Variants in MPPED2 observed in about 807,000 individuals in gnomAD.
MPPED2 encodes the protein metallophosphoesterase domain containing 2, also known as metallophosphoesterase MPPED2.
MPPED2 carries 5 observed loss-of-function variants against 33.0 expected under a neutral mutation model. The ratio of observed to expected loss-of-function variants is 0.15; its 90% CI spans 0.08 to 0.32. The LOEUF (loss-of-function observed/expected upper bound fraction) is 0.32. MPPED2 is among the 10% of genes least tolerant of loss of function. MPPED2 has a pLI of 1.00. For synonymous variants in MPPED2, 136 were observed against 141.9 expected, an observed-to-expected ratio of 0.96 and a Z score of 0.29; for missense variants, 275 against 372.1, an observed-to-expected ratio of 0.74 and a Z score of 2.15.
intron 4 of MPPED2, among the ~76,000 whole-genome samples, chr11:30,493,245 C>T (rs1439463066): frequency 1.3e-5 from 2 of 151,836 alleles, no homozygotes; most frequent in Non-Finnish European, 2.9e-5. Context: ...GTGGCGGGCG[C>T]CTGTAGTCCC....
At chr11:30,470,091 A>T (rs1227902496) in intron 4 of MPPED2, among the ~76,000 whole-genome samples, 1 of 152,110 alleles carries the variant, frequency 6.6e-6, no homozygotes, top group Non-Finnish European at 1.5e-5. Flanking sequence ...ATCCACTTTG[A>T]TTTCAGCACT....
intron 2 of MPPED2, among the ~76,000 whole-genome samples, chr11:30,543,230 A>T (rs756119842): frequency 1.3e-5 from 2 of 152,256 alleles, no homozygotes; most frequent in African/African-American, 4.8e-5. Flanking sequence ...TCACATGCAC[A>T]TATGGATTTT....
intron 4 of MPPED2, among the ~76,000 whole-genome samples, chr11:30,482,275 C>G (rs1590478399): frequency 6.6e-6 from 1 of 152,068 alleles, no homozygotes; most frequent in East Asian, 1.9e-4. Flanking sequence ...ATGCAATGAT[C>G]CATCTGTACA....
At chr11:30,388,948 C>A (rs1565028318) in exon 7 of MPPED2, 1 of 1,562,614 alleles carries the variant, frequency 6.4e-7, no homozygotes, top group East Asian at 2.3e-5. Flanking sequence ...GAGATGCTCA[C>A]AGGGTTTACT....
chr11:30,580,592 G>A, intron 1 of MPPED2, 98 bp from the exon 2 acceptor site: 4 of 1,198,504 alleles, frequency 3.3e-6, no homozygotes, highest in South Asian at 2.0e-5. Context: ...CTAGTTCAGG[G>A]AAAATCTGAA....
chr11:30,396,410 G>A (rs1437349060), intron 6 of MPPED2, among the ~76,000 whole-genome samples: 1 of 152,104 alleles, frequency 6.6e-6, no homozygotes. Context: ...TATTTCTTAT[G>A]CTTAGACATA....
At chr11:30,475,170 C>G (rs1195155575) in intron 4 of MPPED2, among the ~76,000 whole-genome samples, 1 of 152,140 alleles carries the variant, frequency 6.6e-6, no homozygotes, top group Non-Finnish European at 1.5e-5. Flanking sequence ...ATAAATTTAT[C>G]TATCTTCCTT....
In MPPED2 at chr11:30,424,124, C is replaced by G. The variant is rs183924479; in HGVS notation, c.537-6491G>C. On this transcript the variant is annotated intron_variant, in intron 4 of 6. Transcript: ENST00000358117. Reference sequence around the variant, plus strand: ...AAGAGCACAGGGCAAAACGGTTAGTCAAGGCTGCTTAGCCAGCTAGTACAG... The same window carrying G: ...AAGAGCACAGGGCAAAACGGTTAGTGAAGGCTGCTTAGCCAGCTAGTACAG... 1.7e-3 allele frequency among the ~76,000 whole-genome samples: 263 copies of G among 152,308 alleles called. 1 individual carries two copies. The highest frequency in any genetic ancestry group is 6.0e-3 in the African/African-American group (251 of 41,558).
chr11:30,500,828 T>C (rs1236188722), intron 3 of MPPED2, among the ~76,000 whole-genome samples: 1 of 152,192 alleles, frequency 6.6e-6, no homozygotes, highest in East Asian at 1.9e-4. Flanking sequence ...CTCAGATTTG[T>C]TGAGTAAGTG....
intron 3 of MPPED2, among the ~76,000 whole-genome samples, chr11:30,524,108 G>A (rs557501658): frequency 3.3e-5 from 5 of 152,060 alleles, no homozygotes; most frequent in East Asian, 1.9e-4. Flanking sequence ...AAATTAGCTC[G>A]GCATGATGAC....
chr11:30,576,202 G>A (rs1305278801), intron 2 of MPPED2, among the ~76,000 whole-genome samples: 1 of 152,144 alleles, frequency 6.6e-6, no homozygotes, highest in Non-Finnish European at 1.5e-5. Context: ...AAAACATAAG[G>A]AAGTTAGAGT....
At chr11:30,501,128 T>A (rs1034610354) in intron 3 of MPPED2, among the ~76,000 whole-genome samples, 1 of 152,152 alleles carries the variant, frequency 6.6e-6, no homozygotes, top group Non-Finnish European at 1.5e-5. Context: ...ACCTGCACAG[T>A]TTCTGACACT....
At chr11:30,552,166 A>G (rs532686376) in intron 2 of MPPED2, among the ~76,000 whole-genome samples, 1 of 152,334 alleles carries the variant, frequency 6.6e-6, no homozygotes, top group African/African-American at 2.4e-5. Flanking sequence ...GTCATCTTCT[A>G]TAGCACCTCA....
chr11:30,581,875 C>G (rs1057099041), intron 1 of MPPED2, among the ~76,000 whole-genome samples: 3 of 152,202 alleles, frequency 2.0e-5, no homozygotes, highest in African/African-American at 7.2e-5. Context: ...TCCCCGTGCT[C>G]TGGCATTTTA....
chr11:30,447,532 G>A (rs918459307), intron 4 of MPPED2, among the ~76,000 whole-genome samples: 6 of 152,258 alleles, frequency 3.9e-5, no homozygotes, highest in East Asian at 1.9e-4. Context: ...AATAGGAGCC[G>A]AGCAGTGTGT....
chr11:30,531,318 A>G (rs1165411310), intron 3 of MPPED2, among the ~76,000 whole-genome samples: 1 of 152,216 alleles, frequency 6.6e-6, no homozygotes, highest in African/African-American at 2.4e-5. Flanking sequence ...AGCCAGGTGA[A>G]GAGAGGCACA....
intron 4 of MPPED2, among the ~76,000 whole-genome samples, chr11:30,444,279 A>G (rs1949706252): frequency 6.6e-6 from 1 of 152,138 alleles, no homozygotes; most frequent in Non-Finnish European, 1.5e-5. Flanking sequence ...AAATGAAGCC[A>G]TGTGCTCGGG....
chr11:30,440,028 T>C (rs1462976503), intron 4 of MPPED2, among the ~76,000 whole-genome samples: 3 of 152,168 alleles, frequency 2.0e-5, no homozygotes, highest in East Asian at 1.9e-4. Context: ...TTGTTGTTTT[T>C]ATAAATAAAC....
downstream of MPPED2, among the ~76,000 whole-genome samples, chr11:30,406,998 G>A (rs1242264797): frequency 6.6e-6 from 1 of 152,236 alleles, no homozygotes; most frequent in Non-Finnish European, 1.5e-5. Flanking sequence ...TGCTGGATGA[G>A]AGTGGGGAAT....
Sources: allele counts gnomAD v4.1 joint callset (sites outside exome capture counted in the v4.1 genomes callset), GRCh38; gene constraint gnomAD v4.1.1; transcripts MANE v1.5; gene names NCBI Gene and HGNC (gene_info 2026-07-23, HGNC 2026-07-21).